The following TLN2 variants were observed in gnomAD, a reference collection of about 807,000 sequenced individuals.
TLN2 encodes talin 2, also known as talin-2.
Under a neutral mutation model 294.7 loss-of-function variants are expected in TLN2, and 118 were observed. That is an observed-to-expected ratio of 0.40 (90% CI 0.34 to 0.47). The LOEUF (loss-of-function observed/expected upper bound fraction) is 0.47, where lower values mean the gene tolerates loss of function less well. TLN2 is among the 20% of genes least tolerant of loss of function. TLN2 has a pLI of 0.84. For missense variants in TLN2, 3,083 were observed against 3,282.2 expected (o/e 0.94, Z 1.48); for synonymous variants, 1,431 against 1,304.5 (o/e 1.10, Z -2.09).
At chr15:62,650,026 G>C in intron 4 of TLN2, 58 bp from the exon 5 acceptor site, 2 of 1,558,706 alleles carry the variant, frequency 1.3e-6, no homozygotes, top group Non-Finnish European at 1.8e-6. Context: ...GGGCCTGGAA[G>C]TCAGTGATGG....
intron 1 of TLN2, among the ~76,000 whole-genome samples, chr15:62,410,044 C>T (rs1329975708): frequency 1.3e-5 from 2 of 152,078 alleles, no homozygotes; most frequent in African/African-American, 4.8e-5. Flanking sequence ...GAGTTCAAGA[C>T]CAGCCTGACC....
intron 11 of TLN2, among the ~76,000 whole-genome samples, chr15:62,681,876 C>T (rs2056863297): frequency 6.6e-6 from 1 of 152,168 alleles, no homozygotes; most frequent in Admixed American, 6.5e-5. Flanking sequence ...CTGCAGCCTC[C>T]TGAGTAACTG....
At chr15:62,421,529 A>G (rs1245255303) in intron 1 of TLN2, among the ~76,000 whole-genome samples, 2 of 152,206 alleles carry the variant, frequency 1.3e-5, no homozygotes, top group African/African-American at 2.4e-5. Context: ...TTGCAGGAAC[A>G]CAGGTGGAGC....
chr15:62,542,482 G>A (rs909658422), intron 1 of TLN2, among the ~76,000 whole-genome samples: 6 of 152,172 alleles, frequency 3.9e-5, no homozygotes, highest in African/African-American at 9.7e-5. Flanking sequence ...GAGGCATCGC[G>A]CCCGGCCCCA....
At chr15:62,396,432 T>C (rs931317942) in intron 1 of TLN2, among the ~76,000 whole-genome samples, 2 of 152,266 alleles carry the variant, frequency 1.3e-5, no homozygotes, top group African/African-American at 4.8e-5. Flanking sequence ...CTTATCTCTT[T>C]GGAAATTTTC....
Position 62,708,622 on chromosome 15 carries a change from G to A in TLN2, c.2293G>A (p.Glu765Lys). Residue 765 changes from glutamate (E) to lysine (K), a missense_variant, in exon 21 of 59, where the codon GAG (glutamate) becomes AAG (lysine). Coordinates refer to ENST00000636159, the MANE Select transcript of TLN2 (RefSeq NM_015059.3). ...RACQAATTDS[E>K]LLKQVSAAAS... ...CTGCCAGGCGGCCACTACCGATAGTGAGCTCCTGAAGCAGGTCAGCGCAGC... is the reference window on the plus strand; with the variant it reads ...CTGCCAGGCGGCCACTACCGATAGTAAGCTCCTGAAGCAGGTCAGCGCAGC... 1 of 1,614,244 alleles carries A rather than the reference G, an allele frequency of 6.2e-7. No individual in the cohort carries two copies. The highest frequency in any genetic ancestry group is 8.5e-7 in the Non-Finnish European group (1 of 1,180,040).
intron 1 of TLN2, among the ~76,000 whole-genome samples, chr15:62,396,657 A>C (rs1392834111): frequency 6.6e-6 from 1 of 152,026 alleles, no homozygotes; most frequent in Non-Finnish European, 1.5e-5. Flanking sequence ...ACTTTCTCTG[A>C]TCCCATACTG....
intron 47 of TLN2, 150 bp from the exon 48 acceptor site, chr15:62,797,069 G>A: frequency 1.3e-6 from 1 of 779,548 alleles, no homozygotes; most frequent in South Asian, 1.9e-5. Flanking sequence ...GAAGATGAGA[G>A]TCCGTTGGTA....
intron 15 of TLN2, 58 bp downstream of exon 15, chr15:62,697,926 T>C: frequency 6.3e-7 from 1 of 1,575,896 alleles, no homozygotes; most frequent in Non-Finnish European, 8.6e-7. Flanking sequence ...GCATGCAGGG[T>C]GGACACCAGC....
chr15:62,715,689 C>T (rs1002007534), intron 22 of TLN2, among the ~76,000 whole-genome samples: 4 of 152,132 alleles, frequency 2.6e-5, no homozygotes, highest in African/African-American at 9.7e-5. Flanking sequence ...GTCAGGTGGA[C>T]GGCATTACAT....
chr15:62,725,164 G>A, intron 27 of TLN2, 60 bp downstream of exon 27: 1 of 1,549,292 alleles, frequency 6.5e-7, no homozygotes, highest in Non-Finnish European at 8.7e-7. Flanking sequence ...TTATTAAATT[G>A]TTTGTTGTTA....
chr15:62,646,379 C>G (rs1021294950), intron 3 of TLN2, among the ~76,000 whole-genome samples: 1 of 152,158 alleles, frequency 6.6e-6, no homozygotes, highest in Admixed American at 6.5e-5. Context: ...GACAGGCTGT[C>G]TCGAACTCCT....
intron 44 of TLN2, 87 bp downstream of exon 44, chr15:62,781,328 CAGAG>C: frequency 9.7e-7 from 1 of 1,034,358 alleles, no homozygotes; most frequent in Non-Finnish European, 1.5e-6. Flanking sequence ...AGATCTGTGT[CAGAG>C]AGAGAGCCCA....
At chr15:62,761,936 T>TC (rs2062703721) in intron 38 of TLN2, 115 bp downstream of exon 38, 2 of 1,394,138 alleles carry the variant, frequency 1.4e-6, no homozygotes, top group South Asian at 2.5e-5. Context: ...TAGGCTACTG[T>TC]TACTCTTGTC....
chr15:62,584,274 C>T (rs1206999390), intron 1 of TLN2, among the ~76,000 whole-genome samples: 1 of 152,154 alleles, frequency 6.6e-6, no homozygotes, highest in Non-Finnish European at 1.5e-5. Context: ...ATTGGAGAAA[C>T]TCCTTAATTT....
chr15:62,699,265 A>G (rs2058560769), intron 16 of TLN2, among the ~76,000 whole-genome samples: 2 of 152,234 alleles, frequency 1.3e-5, no homozygotes, highest in Admixed American at 6.5e-5. Context: ...GCACATAGTA[A>G]GAGCTCAGTA....
intron 1 of TLN2, among the ~76,000 whole-genome samples, chr15:62,473,151 A>G (rs1230887509): frequency 1.3e-5 from 2 of 152,206 alleles, no homozygotes; most frequent in Non-Finnish European, 2.9e-5. Flanking sequence ...GGACTGTCCC[A>G]GGGCGTAGAC....
chr15:62,465,898 C>G (rs2037109227), intron 1 of TLN2, among the ~76,000 whole-genome samples: 1 of 152,068 alleles, frequency 6.6e-6, no homozygotes, highest in Admixed American at 6.5e-5. Context: ...TGAATAGAAT[C>G]ATAGGTTTTA....
chr15:62,451,484 C>A (rs928673195), intron 1 of TLN2, among the ~76,000 whole-genome samples: 1 of 152,096 alleles, frequency 6.6e-6, no homozygotes, highest in African/African-American at 2.4e-5. Context: ...GGTGAAACCC[C>A]GTCTCTACTA....
Sources: allele counts gnomAD v4.1 joint callset (sites outside exome capture counted in the v4.1 genomes callset), GRCh38; gene constraint gnomAD v4.1.1; transcripts MANE v1.5; gene names NCBI Gene and HGNC (gene_info 2026-07-23, HGNC 2026-07-21).